The following SRC variants were observed in gnomAD, a reference collection of about 807,000 sequenced individuals.
SRC encodes the protein proto-oncogene tyrosine-protein kinase Src.
SRC carries 13 observed loss-of-function variants against 62.9 expected under a neutral mutation model. The ratio of observed to expected loss-of-function variants is 0.21; its 90% CI spans 0.13 to 0.33. The LOEUF is 0.33. SRC is among the 10% of genes least tolerant of loss of function. SRC has a pLI of 1.00. For synonymous variants in SRC, 302 were observed against 317.5 expected (o/e 0.95, Z 0.52); for missense variants, 457 against 737.3 (o/e 0.62, Z 4.40).
chr20:37,403,200 G>T lies in SRC; in HGVS notation c.1432G>T (p.Val478Leu). 2 of 1,561,356 alleles carry T rather than the reference G, an allele frequency of 1.3e-6. No individual in the cohort carries two copies. Among genetic ancestry groups the T allele is most frequent in the Non-Finnish European group, 1.7e-6 (2 of 1,157,232 alleles). The change falls in exon 14 of 14, where the codon GTG (valine) becomes TTG (leucine). Residue 478 changes from valine to leucine, a missense_variant. Val to Leu is a conservative substitution (Grantham distance 32, BLOSUM62 1). This residue lies in a region of SRC where 168 missense variants were observed against 357.8 expected (regional missense o/e 0.47). Coordinates refer to ENST00000373578, the MANE Select transcript of SRC (RefSeq NM_198291.3). The surrounding 1 kb of genome is among the most constrained non-coding windows in gnomAD (Gnocchi z 7.1). ...GGTGAACCGCGAGGTGCTGGACCAGGTGGAGCGGGGCTACCGGATGCCCTG... is the reference window on the plus strand; with the variant it reads ...GGTGAACCGCGAGGTGCTGGACCAGTTGGAGCGGGGCTACCGGATGCCCTG... ...GMVNREVLDQ[V>L]ERGYRMPCPP... is the part of the protein sequence containing the mutation.
chr20:37,359,392 G>T (rs1469413408), intron 1 of SRC, among the ~76,000 whole-genome samples: 1 of 152,228 alleles, frequency 6.6e-6, no homozygotes, highest in Non-Finnish European at 1.5e-5. Flanking sequence ...CACACAGCCC[G>T]TAAGAAGGCG....
At chr20:37,345,560 C>T (rs1178752581), upstream of SRC, among the ~76,000 whole-genome samples, 1 of 152,238 alleles carries the variant, frequency 6.6e-6, no homozygotes, top group Non-Finnish European at 1.5e-5. Context: ...CCTGTCCCTC[C>T]TGCCCCAGCC....
rs913976504 is a variant in SRC, at chr20:37,395,710, G to T, written c.554-452G>T. ...CCGCAAGCTGACCCAGAGAGGGAAA[G>T]CAGTTAGGCCAGGGCCACACAGCCA... On this transcript the variant is annotated intron_variant, in intron 7 of 13. Transcript: ENST00000373578. Among the ~76,000 whole-genome samples, 5 of 152,340 alleles carry T rather than the reference G, an allele frequency of 3.3e-5. No homozygotes were observed. The South Asian group carries it at 1.0e-3, about 32-fold the overall frequency.
In SRC at chr20:37,403,076, C is replaced by A; in HGVS notation, c.1403-95C>A. 7.2e-7 allele frequency: 1 copy of A among 1,383,990 alleles called. No homozygotes were observed. The highest frequency in any genetic ancestry group is 9.7e-7 in the Non-Finnish European group (1 of 1,032,586). The allele number at this position is 1,383,990 out of a possible 1,614,324, so 85.7% of individuals were successfully genotyped here. On this transcript the variant is annotated intron_variant, in intron 13 of 13. Coordinates refer to ENST00000373578, the MANE Select transcript of SRC (RefSeq NM_198291.3). The surrounding 1 kb of genome is among the most constrained non-coding windows in gnomAD (Gnocchi z 7.1). Reference sequence around the variant, plus strand: ...TTATCTATGGTCACTCCCAACCTGTCCTAGGCAGGAAGCCCTCGCTGCCCT... The same window carrying A: ...TTATCTATGGTCACTCCCAACCTGTACTAGGCAGGAAGCCCTCGCTGCCCT...
intron 2 of SRC, among the ~76,000 whole-genome samples, chr20:37,367,239 ATTT>A (rs534752899): frequency 2.1e-5 from 3 of 141,838 alleles, no homozygotes; most frequent in Admixed American, 7.1e-5. Context: ...CGCCTGGCTA[ATTT>A]TTTTTTTTTT....
At chr20:37,362,413 C>CA (rs2069988772) in intron 1 of SRC, among the ~76,000 whole-genome samples, 1 of 152,144 alleles carries the variant, frequency 6.6e-6, no homozygotes, top group African/African-American at 2.4e-5. Context: ...GGTTAGCCCT[C>CA]AGCAGGCTGG....
intron 2 of SRC, among the ~76,000 whole-genome samples, chr20:37,372,382 C>G (rs916416862): frequency 6.6e-6 from 1 of 152,122 alleles, no homozygotes; most frequent in African/African-American, 2.4e-5. Context: ...GTTGTATCTT[C>G]ATTTTCTTTC....
intron 2 of SRC, among the ~76,000 whole-genome samples, chr20:37,370,290 T>G (rs2070141356): frequency 6.6e-6 from 1 of 152,196 alleles, no homozygotes; most frequent in Non-Finnish European, 1.5e-5. Context: ...TTAAACCAAC[T>G]TTGGCTGGGC....
chr20:37,347,975 C>T (rs571337924), intron 1 of SRC, among the ~76,000 whole-genome samples: 63 of 152,314 alleles, frequency 4.1e-4, no homozygotes, highest in African/African-American at 1.5e-3. Context: ...ATGAAAGCCA[C>T]GAGGCCTTTT....
chr20:37,402,400 G>A lies in SRC; in HGVS notation c.1117-35G>A. 2 of 1,601,716 alleles carry A rather than the reference G, an allele frequency of 1.2e-6. No individual in the cohort carries two copies. The highest frequency in any genetic ancestry group is 1.7e-6 in the Non-Finnish European group (2 of 1,172,966). ...CTGTGGCCCTGGGAGGGCATGGGTG[G>A]CACCTGAGCCAGGCTCCCACGGTTC... On this transcript the variant is annotated intron_variant, in intron 11 of 13. Coordinates refer to ENST00000373578, the MANE Select transcript of SRC (RefSeq NM_198291.3). This position sits in a 1 kb window ranked among gnomAD's most constrained non-coding sequence, Gnocchi z 6.2.
rs896412271 is a variant in SRC, at chr20:37,391,857, A to AAAAT, written c.351-2022_351-2019dup. Among the ~76,000 whole-genome samples, 4 of 152,244 alleles carry AAAAT rather than the reference A, an allele frequency of 2.6e-5. No homozygotes were observed. In the South Asian group the frequency reaches 6.2e-4, roughly 24 times the overall value. On this transcript the variant is annotated intron_variant, in intron 5 of 13. Transcript: ENST00000373578. ...TGATAGAGCAAGACTCCATCTCAAAAAAATAAATAAATAAATAAAGTGCTG... is the reference window on the plus strand; with the variant it reads ...TGATAGAGCAAGACTCCATCTCAAAAAAATAAATAAATAAATAAATAAAGTGCTG...
At chr20:37,373,796 A>G (rs887222602) in intron 2 of SRC, among the ~76,000 whole-genome samples, 1 of 152,208 alleles carries the variant, frequency 6.6e-6, no homozygotes, top group Non-Finnish European at 1.5e-5. Flanking sequence ...TCTTCATTAT[A>G]TAGTAAATTC....
At position 37,384,441 on chromosome 20, in the gene SRC, G is replaced by A. The variant is rs1343267113; in HGVS notation, c.250+38G>A. On this transcript the variant is annotated intron_variant, in intron 4 of 13. Coordinates refer to ENST00000373578, the MANE Select transcript of SRC (RefSeq NM_198291.3). This position sits in a 1 kb window ranked among gnomAD's most constrained non-coding sequence, Gnocchi z 6.7. ...GCGGCGCGGGGTCCTCGCCCACCTG[G>A]GGCCACGGCGGGGAGGCGGCGGGGC... 4 of 1,306,348 alleles carry A rather than the reference G, an allele frequency of 3.1e-6. 1 individual carries two copies. The South Asian group carries it at 6.8e-5, about 22-fold the overall frequency. The allele number at this position is 1,306,348 out of a possible 1,614,324, so 80.9% of individuals were successfully genotyped here. A position where few individuals can be genotyped will look rare whatever the true frequency, so the allele number is the denominator to read the frequency against.
At chr20:37,375,659 G>C (rs1038882288) in intron 2 of SRC, among the ~76,000 whole-genome samples, 2 of 152,168 alleles carry the variant, frequency 1.3e-5, no homozygotes, top group African/African-American at 4.8e-5. Flanking sequence ...ACAGGTGTGA[G>C]CCACCACACC....
chr20:37,360,638 A>G (rs2069955188), intron 1 of SRC, among the ~76,000 whole-genome samples: 1 of 152,178 alleles, frequency 6.6e-6, no homozygotes, highest in Non-Finnish European at 1.5e-5. Context: ...AGCGAGGTTC[A>G]TAATAGCCCC....
intron 2 of SRC, among the ~76,000 whole-genome samples, chr20:37,375,056 G>A (rs1446342013): frequency 6.6e-6 from 1 of 151,054 alleles, no homozygotes; most frequent in African/African-American, 2.4e-5. Context: ...TCAGCCTCTC[G>A]AGTAGCTGGG....
intron 2 of SRC, among the ~76,000 whole-genome samples, chr20:37,375,016 T>A (rs1568629662): frequency 6.6e-6 from 1 of 151,716 alleles, no homozygotes; most frequent in Non-Finnish European, 1.5e-5. Flanking sequence ...CTGCAACCTC[T>A]GCCTCCTGGG....
chr20:37,389,008 G>A (rs1374218121), intron 5 of SRC, among the ~76,000 whole-genome samples: 2 of 152,114 alleles, frequency 1.3e-5, no homozygotes, highest in African/African-American at 2.4e-5. Context: ...CCAGGCACGT[G>A]TGGAGGCTGG....
In SRC at chr20:37,396,324, C is replaced by T. The variant is rs375930465; in HGVS notation, c.703+13C>T. ...GCCTACTACTCCAGTGAGCCAGCCT[C>T]GGAGGGCGGAGGGCGGGCGGGCAAA... is the stretch of plus-strand genomic sequence containing the variant. On this transcript the variant is annotated intron_variant, in intron 8 of 13. Transcript: ENST00000373578. The surrounding 1 kb of genome is among the most constrained non-coding windows in gnomAD (Gnocchi z 6.1). 4.5e-5 allele frequency: 73 copies of T among 1,609,178 alleles called. No individual in the cohort carries two copies. The highest frequency in any genetic ancestry group is 6.1e-5 in the Non-Finnish European group (72 of 1,178,164).
Sources: gnomAD v4.1 joint callset for allele counts (sites outside exome capture counted in the v4.1 genomes callset) on GRCh38, gnomAD v4.1.1 for gene constraint, gnomAD v4.1.1 regional missense constraint, Gnocchi (gnomAD v3.1) non-coding constraint, MANE v1.5 for transcripts, NCBI Gene and HGNC (gene_info 2026-07-23, HGNC 2026-07-21) for gene names.